PRSS2: variants seen among roughly 807,000 people sequenced by gnomAD.
PRSS2 encodes the protein trypsin-2.
In PRSS2, 19 loss-of-function variants were observed where a neutral mutation model predicts 19.2. The ratio of observed to expected loss-of-function variants is 0.99; its 90% CI spans 0.69 to 1.45. The LOEUF (loss-of-function observed/expected upper bound fraction) is 1.45. Ranked by LOEUF, PRSS2 falls within the 40% of genes most tolerant of loss-of-function variation. The pLI is 0.00. For synonymous variants in PRSS2, 107 were observed against 117.5 expected, an observed-to-expected ratio of 0.91 and a Z score of 0.58; for missense variants, 288 against 294.4, an observed-to-expected ratio of 0.98 and a Z score of 0.16.
intron 2 of PRSS2, 125 bp from the exon 3 acceptor site, chr7:142,773,141 G>T (rs1267016155): frequency 1.2e-4 from 180 of 1,550,806 alleles, no homozygotes; most frequent in Non-Finnish European, 1.5e-4. Context: ...ATGCAATATG[G>T]CCACACACCC....
intron 2 of PRSS2, chr7:142,772,609 T>A (rs1057216693): frequency 3.0e-5 from 20 of 671,884 alleles, no homozygotes; most frequent in Admixed American, 8.5e-5. Flanking sequence ...TATCAGTGAG[T>A]ATTTCACACT....
Position 142,774,357 on chromosome 7 carries a change from G to C in PRSS2, c.593G>C (p.Gly198Ala). 2 of 1,249,756 alleles carry C rather than the reference G, an allele frequency of 1.6e-6. No homozygotes were observed. Among genetic ancestry groups the C allele is most frequent in the Non-Finnish European group, 2.4e-6 (2 of 846,258 alleles). 77.4% of individuals were successfully genotyped at this position (1,249,756 alleles called of 1,614,324 possible). The change falls in exon 5 of 5, where the codon GGT becomes GCT. Residue 198 changes from glycine to alanine, a missense_variant and splice_region_variant. Transcript: ENST00000539842. ...FLEGGKDSCQ[G>A]DSGGPVVSNG... ...CAACTTGTCCCTTCTTCCCCCCAGGGTGATTCTGGTGGCCCTGTGGTCTCC... is the reference window on the plus strand; with the variant it reads ...CAACTTGTCCCTTCTTCCCCCCAGGCTGATTCTGGTGGCCCTGTGGTCTCC...
Position 142,773,269 on chromosome 7 carries a change from C to T in PRSS2, c.204C>T (p.Arg68=). The change falls in exon 3 of 5, where the codon CGC becomes CGT. Residue 68 remains arginine (R), a synonymous_variant. Transcript: ENST00000539842. ...CCATGCCTGCCCTGCCCATCAGCCG[C>T]ATCCAGGTGAGACTGGGAGAGCACA... is the stretch of plus-strand genomic sequence containing the variant. ...VVSAGHCYKS[R]IQVRLGEHNI... is the part of the protein sequence containing the mutation. 3.7e-6 allele frequency: 6 copies of T among 1,614,248 alleles called. No homozygotes were observed. Among genetic ancestry groups the T allele is most frequent in the Non-Finnish European group, 5.1e-6 (6 of 1,180,044 alleles).
rs776403299 is a variant in PRSS2, at chr7:142,772,224, C to T, written c.200+16C>T. On this transcript the variant is annotated intron_variant, in intron 2 of 4. Coordinates refer to ENST00000539842, the MANE Select transcript of PRSS2 (RefSeq NM_002770.4). ...GCTACAAGTCGTAAGTGTGGGGCCC[C>T]TGACTGCAAAACTCCCAGCCAGGCT... 1 of 1,613,478 alleles carries T rather than the reference C, an allele frequency of 6.2e-7. No individual in the cohort carries two copies. Among genetic ancestry groups the T allele is most frequent in the South Asian group, 1.1e-5 (1 of 91,046 alleles).
Position 142,773,970 on chromosome 7 carries a change from C to A in PRSS2, c.506C>A (p.Ala169Asp), listed in dbSNP as rs1444889407. The A allele has an allele frequency of 5.6e-5, 91 of 1,612,208 alleles. No individual in the cohort carries two copies. The highest frequency in any genetic ancestry group is 7.5e-5 in the Non-Finnish European group (88 of 1,178,342). Residue 169 changes from alanine to aspartate, a missense_variant, in exon 4 of 5, where the codon GCT (alanine) becomes GAT (aspartate). Transcript: ENST00000539842. ...CTGGATGCTCCTGTGCTGAGCCAGG[C>A]TGAGTGTGAAGCCTCCTACCCTGGA... The part of the protein sequence containing the change: ...QCLDAPVLSQ[A>D]ECEASYPGKI...
intron 2 of PRSS2, 54 bp from the exon 3 acceptor site, chr7:142,773,211 GA>G: frequency 6.2e-7 from 1 of 1,614,096 alleles, no homozygotes; most frequent in South Asian, 1.1e-5. Flanking sequence ...GGAAAGGTGG[GA>G]GGGGTGCCCT....
In PRSS2 at chr7:142,772,246, G is replaced by C. The variant is rs1799983279; in HGVS notation, c.200+38G>C. The C allele has an allele frequency of 1.9e-6, 3 of 1,609,514 alleles. No individual in the cohort carries two copies. In the African/African-American group the frequency reaches 4.0e-5, roughly 22 times the overall value. The stretch of plus-strand genomic sequence containing the variant: ...CCCCTGACTGCAAAACTCCCAGCCA[G>C]GCTGCCTGGGAGAGCTTGGATTCAG... On this transcript the variant is annotated intron_variant, in intron 2 of 4. Coordinates refer to ENST00000539842, the MANE Select transcript of PRSS2 (RefSeq NM_002770.4).
rs201779716 is a variant in PRSS2 at position 142,772,094 on chromosome 7, T to A, written c.86T>A (p.Ile29Asn). The A allele has an allele frequency of 5.5e-3, 8,469 of 1,541,618 alleles. No individual in the cohort carries two copies. The highest frequency in any genetic ancestry group is 0.04 in the African/African-American group (2,765 of 69,196). Residue 29 changes from isoleucine to asparagine, a missense_variant, in exon 2 of 5, where the codon ATC (isoleucine) becomes AAC (asparagine). Transcript: ENST00000539842. ...GATGACAAGATCGTTGGGGGCTACATCTGTGAGGAGAATTCTGTCCCCTAC... is the reference window on the plus strand; with the variant it reads ...GATGACAAGATCGTTGGGGGCTACAACTGTGAGGAGAATTCTGTCCCCTAC... ...DDDDKIVGGY[I>N]CEENSVPYQV...
Position 142,773,315 on chromosome 7 carries a change from A to T in PRSS2, c.250A>T (p.Asn84Tyr). ...GCACAACATCGAAGTCCTGGAGGGG[A>T]ATGAACAGTTCATCAATGCGGCCAA... is the stretch of plus-strand genomic sequence containing the variant. ...GEHNIEVLEG[N>Y]EQFINAAKII... is the part of the protein sequence containing the mutation. The change falls in exon 3 of 5, where the codon AAT (asparagine) becomes TAT (tyrosine). Residue 84 changes from asparagine to tyrosine, a missense_variant. Transcript: ENST00000539842. 1 of 1,614,190 alleles carries T rather than the reference A, an allele frequency of 6.2e-7. No homozygotes were observed. Among genetic ancestry groups the T allele is most frequent in the African/African-American group, 1.3e-5 (1 of 75,062 alleles).
chr7:142,773,825 G>A (rs1345929915), intron 3 of PRSS2, 94 bp from the exon 4 acceptor site: 12 of 1,502,284 alleles, frequency 8.0e-6, no homozygotes, highest in Admixed American at 1.7e-5. Context: ...CTCTCCAGGG[G>A]CAGTGTTCCT....
chr7:142,773,028 T>G (rs755274433), intron 2 of PRSS2, among the ~76,000 whole-genome samples: 211 of 140,732 alleles, frequency 1.5e-3, no homozygotes, highest in African/African-American at 5.5e-3. Flanking sequence ...GAGCAGCCTC[T>G]GGTGGGATCC....
chr7:142,771,885 G>A (rs1799934625), intron 1 of PRSS2, among the ~76,000 whole-genome samples, 164 bp from the exon 2 acceptor site: 4 of 152,318 alleles, frequency 2.6e-5, no homozygotes. Flanking sequence ...AGAGACTTGG[G>A]AGCCACATCC....
At chr7:142,771,134 C>T in intron 1 of PRSS2, 112 bp downstream of exon 1, 1 of 503,624 alleles carries the variant, frequency 2.0e-6, no homozygotes, top group Non-Finnish European at 3.6e-6. Flanking sequence ...TCTATTTCCT[C>T]CATCTGGCAT....
chr7:142,771,229 T>C (rs1392668339), intron 1 of PRSS2, among the ~76,000 whole-genome samples: 9 of 152,220 alleles, frequency 5.9e-5, no homozygotes, highest in African/African-American at 2.2e-4. Flanking sequence ...CTGTTATTCA[T>C]CCATATCCGA....
At position 142,774,180 on chromosome 7, in the gene PRSS2, G is replaced by T. The variant is rs1293112711; in HGVS notation, c.591+125G>T. On this transcript the variant is annotated intron_variant, in intron 4 of 4. Coordinates refer to ENST00000539842, the MANE Select transcript of PRSS2 (RefSeq NM_002770.4). ...CTGCAGTGCCCCATGGAGAAGTGAG[G>T]AAGACTCCTTTGGGCTGCATCCTGT... The T allele has an allele frequency of 3.1e-6, 4 of 1,274,622 alleles. No individual in the cohort carries two copies. In the African/African-American group the frequency reaches 5.8e-5, roughly 19 times the overall value. 79.0% of individuals were successfully genotyped at this position (1,274,622 alleles called of 1,614,324 possible).
At chr7:142,773,172 G>C in intron 2 of PRSS2, 94 bp from the exon 3 acceptor site, 2 of 1,610,530 alleles carry the variant, frequency 1.2e-6, no homozygotes, top group South Asian at 1.1e-5. Flanking sequence ...CTCCAGAGCT[G>C]TCCATGAGCA....
At chr7:142,774,207 T>C (rs1800247985) in intron 4 of PRSS2, 149 bp from the exon 5 acceptor site, 1 of 1,171,760 alleles carries the variant, frequency 8.5e-7, no homozygotes, top group African/African-American at 1.5e-5. Context: ...GCATCCTGTC[T>C]GCTTAGGAAG....
At chr7:142,772,606 G>A (rs924800903) in intron 2 of PRSS2, 2 of 675,836 alleles carry the variant, frequency 3.0e-6, no homozygotes, top group Non-Finnish European at 5.4e-6. Context: ...GAATATCAGT[G>A]AGTATTTCAC....
At chr7:142,773,851 C>A in intron 3 of PRSS2, 68 bp from the exon 4 acceptor site, 1 of 1,549,044 alleles carries the variant, frequency 6.5e-7, no homozygotes, top group Non-Finnish European at 8.9e-7. Context: ...ATGTTCCATC[C>A]TAGACTATTG....
Sources: allele counts gnomAD v4.1 joint callset (sites outside exome capture counted in the v4.1 genomes callset), GRCh38; gene constraint gnomAD v4.1.1; transcripts MANE v1.5; gene names NCBI Gene and HGNC (gene_info 2026-07-23, HGNC 2026-07-21).